The following UGT1A8 variants were observed in gnomAD, a reference collection of about 807,000 sequenced individuals.
UGT1A8 encodes UDP-glucuronosyltransferase 1A8.
UGT1A8 carries 39 observed loss-of-function variants against 45.3 expected under a neutral mutation model. The ratio of observed to expected loss-of-function variants is 0.86; its 90% confidence interval spans 0.67 to 1.12. The LOEUF (loss-of-function observed/expected upper bound fraction) is 1.12, where lower values mean the gene tolerates loss of function less well. Ranked by LOEUF, UGT1A8 falls within the 50% of genes most tolerant of loss-of-function variation. UGT1A8 has a pLI of 0.00. For missense variants in UGT1A8, 719 were observed against 664.9 expected, an observed-to-expected ratio of 1.08 and a Z score of -0.90; for synonymous variants, 275 against 249.2, an observed-to-expected ratio of 1.10 and a Z score of -0.97.
chr2:233,672,786 T>C, intron 1 of UGT1A8: 1 of 1,613,098 alleles, frequency 6.2e-7, no homozygotes, highest in Non-Finnish European at 8.5e-7. Flanking sequence ...AGCCGTTGCC[T>C]ATGGTAAGTT....
In UGT1A8 at chr2:233,685,280, G is replaced by A. The variant is rs141032046; in HGVS notation, c.855+66718G>A. Among the ~76,000 whole-genome samples the A allele has an allele frequency of 1.9e-3, 285 of 152,202 alleles. 2 individuals are homozygous for A. The highest frequency in any genetic ancestry group is 6.4e-3 in the African/African-American group (266 of 41,544). On this transcript the variant is annotated intron_variant, in intron 1 of 4. Transcript: ENST00000373450. ...ACTCCTGACCTCAAGTGATCCGCCC[G>A]CCTCCGCCTTTCAAAGTGTTGAGAT... is the stretch of plus-strand genomic sequence containing the variant.
intron 1 of UGT1A8, among the ~76,000 whole-genome samples, chr2:233,621,288 A>C (rs765340884): frequency 1.3e-5 from 2 of 152,204 alleles, no homozygotes; most frequent in Non-Finnish European, 2.9e-5. Context: ...AAATAGTTTT[A>C]ATGAGAAAAA....
chr2:233,693,696 A>C, intron 1 of UGT1A8: 1 of 1,614,222 alleles, frequency 6.2e-7, no homozygotes, highest in Non-Finnish European at 8.5e-7. Context: ...AAGTATGAAG[A>C]ACTCGCATCA....
chr2:233,641,785 G>A (rs147906024), intron 1 of UGT1A8, among the ~76,000 whole-genome samples: 134 of 152,184 alleles, frequency 8.8e-4, no homozygotes, highest in Admixed American at 2.7e-3. Flanking sequence ...TACTATTCTG[G>A]GGTAAAAGGT....
intron 1 of UGT1A8, among the ~76,000 whole-genome samples, chr2:233,766,184 T>A (rs1169450089): frequency 6.6e-6 from 1 of 152,052 alleles, no homozygotes; most frequent in Non-Finnish European, 1.5e-5. Context: ...ATTGAGTGGA[T>A]GTAGCTCTCA....
At chr2:233,765,849 A>G (rs548142757) in intron 1 of UGT1A8, among the ~76,000 whole-genome samples, 8 of 152,220 alleles carry the variant, frequency 5.3e-5, no homozygotes, top group African/African-American at 1.7e-4. Flanking sequence ...TGTCCCCCTC[A>G]CAGAGCATGT....
intron 1 of UGT1A8, chr2:233,755,261 G>C (rs1442150755): frequency 1.2e-6 from 1 of 807,566 alleles, no homozygotes; most frequent in African/African-American, 1.7e-5. Flanking sequence ...CCTCGTAGTA[G>C]TCCACTATGC....
intron 1 of UGT1A8, chr2:233,648,767 A>T: frequency 1.3e-6 from 1 of 753,024 alleles, no homozygotes; most frequent in Non-Finnish European, 2.1e-6. Flanking sequence ...CCCAGCCTGG[A>T]TGCCATGACT....
intron 1 of UGT1A8, chr2:233,712,902 G>A (rs1351189678): frequency 6.2e-7 from 1 of 1,609,502 alleles, no homozygotes; most frequent in Non-Finnish European, 8.5e-7. Context: ...TTTGCTAGGT[G>A]TCTCAGTGAC....
intron 1 of UGT1A8, among the ~76,000 whole-genome samples, chr2:233,708,153 G>C (rs1349797259): frequency 6.6e-6 from 1 of 152,204 alleles, no homozygotes; most frequent in Admixed American, 6.5e-5. Context: ...TTCCACAGGG[G>C]AGTTGCCGGA....
Position 233,671,955 on chromosome 2 carries a change from C to G in UGT1A8, c.855+53393C>G, listed in dbSNP as rs750374657. ...CTCTGATGGCTTGCACAGGGTGGAC[C>G]AGCCCCCTTCCTCTATGTGTGTGTC... is the stretch of plus-strand genomic sequence containing the variant. On this transcript the variant is annotated intron_variant, in intron 1 of 4. Transcript: ENST00000373450. The G allele has an allele frequency of 4.3e-6, 7 of 1,612,836 alleles. No homozygotes were observed. In the African/African-American group the frequency reaches 8.0e-5, roughly 18 times the overall value.
chr2:233,758,656 C>T (rs35815287), intron 1 of UGT1A8, among the ~76,000 whole-genome samples: 1 of 152,054 alleles, frequency 6.6e-6, no homozygotes, highest in East Asian at 1.9e-4. Context: ...GAGAGGGTAC[C>T]CTAATTACCT....
At chr2:233,698,403 A>ACAC (rs1306407521) in intron 1 of UGT1A8, among the ~76,000 whole-genome samples, 3 of 152,206 alleles carry the variant, frequency 2.0e-5, no homozygotes. Context: ...ATTTTATGTG[A>ACAC]CTTCATCGCA....
chr2:233,681,163 A>G (rs557524327), intron 1 of UGT1A8, among the ~76,000 whole-genome samples: 9 of 152,008 alleles, frequency 5.9e-5, no homozygotes, highest in East Asian at 5.9e-4. Context: ...TAGGAGGTCA[A>G]CGCTAAGACC....
At chr2:233,761,247 T>C (rs1300927004) in intron 1 of UGT1A8, 16 of 1,609,136 alleles carry the variant, frequency 9.9e-6, no homozygotes, top group African/African-American at 1.3e-5. Flanking sequence ...GAGCAAGCAT[T>C]CTGAGATAAT....
intron 1 of UGT1A8, among the ~76,000 whole-genome samples, chr2:233,757,151 G>T (rs1696421194): frequency 6.6e-6 from 1 of 151,298 alleles, no homozygotes; most frequent in African/African-American, 2.4e-5. Flanking sequence ...GGTGGGCTGG[G>T]GTCTATCCCA....
intron 1 of UGT1A8, among the ~76,000 whole-genome samples, chr2:233,708,081 T>G (rs1171584848): frequency 6.6e-6 from 1 of 152,226 alleles, no homozygotes; most frequent in African/African-American, 2.4e-5. Context: ...CTTTTTACTT[T>G]TATTCAAACG....
rs753189550 is a variant in UGT1A8 at position 233,672,277 on chromosome 2, G to A, written c.855+53715G>A. 64 of 1,613,694 alleles carry A rather than the reference G, an allele frequency of 4.0e-5. No individual in the cohort carries two copies. Among genetic ancestry groups the A allele is most frequent in the Non-Finnish European group, 5.0e-5 (59 of 1,179,804 alleles). ...TTCTCTATTAATGGGTTCATACAAT[G>A]ACATTTTTGACTTATTTTTTTCAAA... is the stretch of plus-strand genomic sequence containing the variant. On this transcript the variant is annotated intron_variant, in intron 1 of 4. Coordinates refer to ENST00000373450, the MANE Select transcript of UGT1A8 (RefSeq NM_019076.5).
intron 1 of UGT1A8, among the ~76,000 whole-genome samples, chr2:233,676,928 G>T (rs2074375939): frequency 1.3e-5 from 2 of 152,046 alleles, no homozygotes; most frequent in South Asian, 4.2e-4. Context: ...CTGTTCTGTT[G>T]ATCTATTTGT....
Sources: gnomAD v4.1 joint callset for allele counts (sites outside exome capture counted in the v4.1 genomes callset) on GRCh38, gnomAD v4.1.1 for gene constraint, MANE v1.5 for transcripts, NCBI Gene and HGNC (gene_info 2026-07-23, HGNC 2026-07-21) for gene names.